The following APPL2 variants were observed in gnomAD, a reference collection of about 807,000 sequenced individuals.
APPL2 encodes adaptor protein, phosphotyrosine interacting with PH domain and leucine zipper 2.
A neutral mutation model predicts 92.7 loss-of-function variants in APPL2; 84 were observed. That is an observed-to-expected ratio of 0.91 (90% CI 0.76 to 1.09). The LOEUF (loss-of-function observed/expected upper bound fraction) is 1.09, where lower values mean the gene tolerates loss of function less well. Among genes scored for constraint, APPL2 ranks in the 50% least tolerant of loss-of-function variants. The pLI, the probability that APPL2 is intolerant of heterozygous loss-of-function variation, is 0.00. For synonymous variants in APPL2, 291 were observed against 291.0 expected (o/e 1.00, Z 0.00); for missense variants, 736 against 824.5 (o/e 0.89, Z 1.31).
chr12:105,221,529 T>C (rs1404984307), intron 2 of APPL2, among the ~76,000 whole-genome samples: 4 of 152,160 alleles, frequency 2.6e-5, no homozygotes, highest in South Asian at 2.1e-4. Context: ...AAGTCCAAAA[T>C]TGCACCTACT....
intron 2 of APPL2, among the ~76,000 whole-genome samples, chr12:105,222,850 G>C (rs1216793685): frequency 1.3e-5 from 2 of 152,230 alleles, no homozygotes; most frequent in East Asian, 3.9e-4. Context: ...GGAAGGGAGA[G>C]GAGGAAGGAA....
At chr12:105,189,200 TA>T (rs944812109) in intron 16 of APPL2, among the ~76,000 whole-genome samples, 17 of 151,726 alleles carry the variant, frequency 1.1e-4, no homozygotes, top group East Asian at 5.8e-4. Flanking sequence ...TGTATATATA[TA>T]TATATTTTTG....
At chr12:105,217,164 C>G (rs1449522871) in intron 3 of APPL2, 24 bp from the exon 4 acceptor site, 1 of 1,564,904 alleles carries the variant, frequency 6.4e-7, no homozygotes, top group Non-Finnish European at 8.7e-7. Context: ...ATAAAAGAAG[C>G]AGGTGTTAAG....
intron 14 of APPL2, 99 bp from the exon 15 acceptor site, chr12:105,190,254 G>A: frequency 1.6e-6 from 2 of 1,283,162 alleles, no homozygotes; most frequent in Non-Finnish European, 2.1e-6. Flanking sequence ...AAAATACAAG[G>A]GGAAAGATTG....
Position 105,236,022 on chromosome 12 carries a change from C to G in APPL2, c.-10G>C. Reference sequence around the variant, plus strand: ...TGTCCACGGCGGGCATGGTGCGGCGCGGCTCAGCCGAGGGCTGGGTTGGAA... The same window carrying G: ...TGTCCACGGCGGGCATGGTGCGGCGGGGCTCAGCCGAGGGCTGGGTTGGAA... On this transcript the variant is annotated 5_prime_UTR_variant, in exon 1 of 21. Transcript: ENST00000258530. 1 of 1,244,842 alleles carries G rather than the reference C, an allele frequency of 8.0e-7. No individual in the cohort carries two copies. The highest frequency in any genetic ancestry group is 1.0e-6 in the Non-Finnish European group (1 of 987,052). 77.1% of individuals were successfully genotyped at this position (1,244,842 alleles called of 1,614,324 possible).
In APPL2 at chr12:105,195,008, T is replaced by G. The variant is rs546616786; in HGVS notation, c.1241+253A>C. On this transcript the variant is annotated intron_variant, in intron 14 of 20. Transcript: ENST00000258530. ...ACCCTCCATGCACGTCCTGTTTGCT[T>G]GGACTGCAGCAGCATGGTCCAGTGG... Among the ~76,000 whole-genome samples, 754 of 152,298 alleles carry G rather than the reference T, an allele frequency of 5.0e-3. 3 individuals are homozygous for G. Among genetic ancestry groups the G allele is most frequent in the African/African-American group, 0.017 (696 of 41,564 alleles).
At chr12:105,190,799 C>T (rs1026899970) in intron 14 of APPL2, among the ~76,000 whole-genome samples, 4 of 152,190 alleles carry the variant, frequency 2.6e-5, no homozygotes, top group African/African-American at 4.8e-5. Context: ...TCCTGAGCTT[C>T]GCATTGTGCC....
chr12:105,231,663 C>T (rs1405444507), intron 1 of APPL2, among the ~76,000 whole-genome samples: 1 of 152,198 alleles, frequency 6.6e-6, no homozygotes, highest in African/African-American at 2.4e-5. Flanking sequence ...AGGACAGGGG[C>T]AGACTGGAGC....
chr12:105,188,878 A>G (rs1048758292), intron 16 of APPL2, among the ~76,000 whole-genome samples: 5 of 152,186 alleles, frequency 3.3e-5, no homozygotes, highest in African/African-American at 9.7e-5. Context: ...GTCTCATGCA[A>G]TTCATACTTC....
intron 11 of APPL2, 122 bp from the exon 12 acceptor site, chr12:105,195,749 G>A: frequency 9.1e-7 from 1 of 1,101,750 alleles, no homozygotes; most frequent in Non-Finnish European, 1.4e-6. Context: ...AGCATGATGA[G>A]AGGGAAAGAA....
intron 5 of APPL2, among the ~76,000 whole-genome samples, chr12:105,209,574 T>C (rs1341874175): frequency 6.6e-6 from 1 of 152,174 alleles, no homozygotes; most frequent in East Asian, 1.9e-4. Flanking sequence ...AGGAGATGAT[T>C]ATTTTCTTTC....
intron 1 of APPL2, chr12:105,233,017 G>C (rs1259287940): frequency 1.1e-6 from 1 of 882,016 alleles, no homozygotes; most frequent in Non-Finnish European, 1.4e-6. Flanking sequence ...AATCGCAAAA[G>C]AAACAAACAA....
At chr12:105,205,846 A>G (rs1888654029) in intron 8 of APPL2, among the ~76,000 whole-genome samples, 1 of 152,226 alleles carries the variant, frequency 6.6e-6, no homozygotes, top group Non-Finnish European at 1.5e-5. Context: ...CTGTGTGCAC[A>G]AGTGCCCATC....
rs780880697 is a variant in APPL2, at chr12:105,195,567, GACAA to G, written c.1095+14_1095+17del. 3 of 1,614,178 alleles carry G rather than the reference GACAA, an allele frequency of 1.9e-6. No homozygotes were observed. Among genetic ancestry groups the G allele is most frequent in the Non-Finnish European group, 2.5e-6 (3 of 1,180,020 alleles). ...ACCCACCACGTTAGGAAAGAAATATGACAAACAAAATTTTTACCTCTTCATTTTC... is the reference window on the plus strand; with the variant it reads ...ACCCACCACGTTAGGAAAGAAATATGACAAAATTTTTACCTCTTCATTTTC... On this transcript the variant is annotated intron_variant, in intron 12 of 20. Transcript: ENST00000258530.
chr12:105,203,493 C>G (rs966532978), intron 9 of APPL2: 10 of 541,414 alleles, frequency 1.8e-5, no homozygotes, highest in African/African-American at 5.7e-5. Flanking sequence ...ATATTCACAA[C>G]AAGAGATCTG....
At chr12:105,186,028 T>C (rs1886574314) in intron 17 of APPL2, among the ~76,000 whole-genome samples, 1 of 152,210 alleles carries the variant, frequency 6.6e-6, no homozygotes, top group Admixed American at 6.5e-5. Flanking sequence ...AACCCTACAG[T>C]ATGTTGCCTT....
intron 1 of APPL2, among the ~76,000 whole-genome samples, chr12:105,234,062 T>C (rs1891092565): frequency 6.6e-6 from 1 of 152,188 alleles, no homozygotes; most frequent in South Asian, 2.1e-4. Context: ...AAGACCTTCT[T>C]AAAGTCAGCT....
intron 2 of APPL2, 65 bp downstream of exon 2, chr12:105,229,060 G>A (rs1186070785): frequency 1.5e-6 from 2 of 1,344,772 alleles, no homozygotes; most frequent in Non-Finnish European, 2.1e-6. Flanking sequence ...AACCTCTGAG[G>A]GAAGTTCAGG....
intron 1 of APPL2, 58 bp downstream of exon 1, chr12:105,235,901 G>A (rs890705029): frequency 3.3e-6 from 4 of 1,215,172 alleles, no homozygotes; most frequent in Non-Finnish European, 4.1e-6. Flanking sequence ...TCCGGGGCTG[G>A]AGGGGCCTCC....
Sources: gnomAD v4.1 joint callset for allele counts (sites outside exome capture counted in the v4.1 genomes callset) on GRCh38, gnomAD v4.1.1 for gene constraint, MANE v1.5 for transcripts, NCBI Gene and HGNC (gene_info 2026-07-23, HGNC 2026-07-21) for gene names.